Variants in EFCAB6 observed in about 807,000 individuals in gnomAD.
EFCAB6 encodes EF-hand calcium-binding domain-containing protein 6.
Under a neutral mutation model 169.8 loss-of-function variants are expected in EFCAB6, and 156 were observed. The ratio of observed to expected loss-of-function variants is 0.92; its 90% CI spans 0.81 to 1.05. The LOEUF is 1.05. Among genes scored for constraint, EFCAB6 ranks in the 50% least tolerant of loss-of-function variants. The pLI, the probability that EFCAB6 is intolerant of heterozygous loss-of-function variation, is 0.00. For missense variants in EFCAB6, 1,800 were observed against 1,829.1 expected (o/e 0.98, Z 0.29); for synonymous variants, 698 against 676.4 (o/e 1.03, Z -0.50).
intron 17 of EFCAB6, among the ~76,000 whole-genome samples, chr22:43,653,209 G>C (rs753920783): frequency 2.0e-5 from 3 of 152,048 alleles, no homozygotes; most frequent in Non-Finnish European, 2.9e-5. Context: ...TTAACCTACA[G>C]ATACAAGAAG....
chr22:43,807,399 A>G (rs2062958831), intron 2 of EFCAB6, among the ~76,000 whole-genome samples: 1 of 152,088 alleles, frequency 6.6e-6, no homozygotes, highest in South Asian at 2.1e-4. Flanking sequence ...AAAAACTAAT[A>G]CCCCCAAAAT....
intron 6 of EFCAB6, among the ~76,000 whole-genome samples, chr22:43,747,688 C>T (rs765503062): frequency 3.9e-5 from 6 of 152,160 alleles, no homozygotes; most frequent in Non-Finnish European, 7.3e-5. Flanking sequence ...CTCCTGCCTG[C>T]CTTCTGTTCA....
intron 10 of EFCAB6, among the ~76,000 whole-genome samples, chr22:43,699,082 G>A (rs1028870061): frequency 6.6e-6 from 1 of 152,076 alleles, no homozygotes; most frequent in African/African-American, 2.4e-5. Flanking sequence ...GGATGCTGAG[G>A]CTCGGAGGGA....
chr22:43,784,537 G>A lies in EFCAB6; in HGVS notation c.-7-2212C>T, dbSNP rs1329930978. 4.0e-3 allele frequency among the ~76,000 whole-genome samples: 387 copies of A among 96,184 alleles called. 9 individuals carry two copies. Among genetic ancestry groups the A allele is most frequent in the African/African-American group, 8.2e-3 (205 of 25,054 alleles). The allele number at this position is 96,184 out of a possible 152,430, so 63.1% of individuals were successfully genotyped here. A position where few individuals can be genotyped will look rare whatever the true frequency, so the allele number is the denominator to read the frequency against. ...TGTGTGTGTGTGTGTGTGTGTGTGT[G>A]TGTGTGTATATGTATATATACACAT... On this transcript the variant is annotated intron_variant, in intron 2 of 31. Coordinates refer to ENST00000262726, the MANE Select transcript of EFCAB6 (RefSeq NM_022785.4).
intron 18 of EFCAB6, among the ~76,000 whole-genome samples, chr22:43,632,446 T>A (rs1167813780): frequency 2.0e-5 from 3 of 151,352 alleles, no homozygotes; most frequent in Non-Finnish European, 2.9e-5. Context: ...ATTATAGGTG[T>A]CTGCCATCAC....
intron 3 of EFCAB6, among the ~76,000 whole-genome samples, chr22:43,781,274 G>A (rs1368740795): frequency 5.3e-5 from 8 of 152,132 alleles, no homozygotes; most frequent in African/African-American, 7.2e-5. Flanking sequence ...GAATGCTTAC[G>A]GCAGCTTCAC....
rs546771051 is a variant in EFCAB6, at chr22:43,557,859, A to C, written c.3421-2763T>G. Among the ~76,000 whole-genome samples the C allele has an allele frequency of 6.6e-5, 10 of 152,350 alleles. No individual in the cohort carries two copies. The South Asian group carries it at 2.1e-3, about 32-fold the overall frequency. ...CATGGATAAGAATGCAAGAATTGGC[A>C]AATCTTTCAATTCCTTACTTTAGTG... On this transcript the variant is annotated intron_variant, in intron 26 of 31. Transcript: ENST00000262726.
At chr22:43,530,231 G>A (rs147870607) in intron 31 of EFCAB6, among the ~76,000 whole-genome samples, 8 of 152,368 alleles carry the variant, frequency 5.3e-5, no homozygotes, top group African/African-American at 1.4e-4. Flanking sequence ...TTGCATGAGG[G>A]ATAGGGAGAA....
intron 25 of EFCAB6, among the ~76,000 whole-genome samples, chr22:43,579,920 C>G (rs2050607718): frequency 1.3e-5 from 2 of 151,144 alleles, no homozygotes; most frequent in East Asian, 2.0e-4. Flanking sequence ...GCATCATTCC[C>G]TACACGCAGG....
At chr22:43,741,740 C>T (rs544553984) in intron 6 of EFCAB6, among the ~76,000 whole-genome samples, 1 of 152,274 alleles carries the variant, frequency 6.6e-6, no homozygotes, top group South Asian at 2.1e-4. Context: ...CTGCCACTGT[C>T]CACTCTGGGG....
At chr22:43,739,210 C>T (rs2060277728) in intron 6 of EFCAB6, among the ~76,000 whole-genome samples, 1 of 152,384 alleles carries the variant, frequency 6.6e-6, no homozygotes, top group Non-Finnish European at 1.5e-5. Flanking sequence ...AAGACTTCCA[C>T]CTTGTCAAAC....
intron 24 of EFCAB6, among the ~76,000 whole-genome samples, chr22:43,587,551 C>G (rs1346408351): frequency 6.6e-6 from 1 of 152,184 alleles, no homozygotes; most frequent in Non-Finnish European, 1.5e-5. Context: ...CCACATCACT[C>G]TACTCTTTGC....
intron 17 of EFCAB6, among the ~76,000 whole-genome samples, chr22:43,656,384 C>T (rs748258384): frequency 2.5e-4 from 38 of 149,336 alleles, no homozygotes; most frequent in Non-Finnish European, 4.0e-4. Flanking sequence ...AAGAGCAAAA[C>T]GCCATCTAAA....
chr22:43,785,429 T>C (rs1438138513), intron 2 of EFCAB6, among the ~76,000 whole-genome samples: 2 of 150,606 alleles, frequency 1.3e-5, no homozygotes, highest in East Asian at 3.9e-4. Flanking sequence ...AAAAAAAAAA[T>C]CAAAAGAGAA....
intron 10 of EFCAB6, among the ~76,000 whole-genome samples, chr22:43,702,812 T>C (rs2058815214): frequency 2.0e-5 from 3 of 152,162 alleles, no homozygotes; most frequent in African/African-American, 7.2e-5. Flanking sequence ...CCACTTGGCT[T>C]GAATTTATAG....
chr22:43,573,399 A>ACATG (rs926016825), intron 26 of EFCAB6, among the ~76,000 whole-genome samples: 4 of 152,192 alleles, frequency 2.6e-5, no homozygotes, highest in Non-Finnish European at 5.9e-5. Flanking sequence ...TCAGCAGTAT[A>ACATG]CATGGTCTGT....
rs1460021265 is a variant in EFCAB6, at chr22:43,555,088, A to G, written c.3429T>C (p.Asp1143=). ...NFSCFLEETA[D]EWAEKMPKGP... ...CTTTGGGCATTTTCTCAGCCCACTC[A>G]TCAGCTGTCTGGACAAAATAGAATG... Residue 1143 remains aspartate (D), a synonymous_variant, in exon 27 of 32, where the codon GAT becomes GAC. Coordinates refer to ENST00000262726, the MANE Select transcript of EFCAB6 (RefSeq NM_022785.4). 4 of 1,614,082 alleles carry G rather than the reference A, an allele frequency of 2.5e-6. No individual in the cohort carries two copies. Among genetic ancestry groups the G allele is most frequent in the Non-Finnish European group, 3.4e-6 (4 of 1,180,034 alleles).
At chr22:43,664,621 G>C (rs2057159598) in intron 17 of EFCAB6, among the ~76,000 whole-genome samples, 1 of 152,228 alleles carries the variant, frequency 6.6e-6, no homozygotes, top group African/African-American at 2.4e-5. Context: ...GGCAAGGGGA[G>C]AGCCATGCAG....
At chr22:43,651,433 G>A (rs565286335) in intron 17 of EFCAB6, among the ~76,000 whole-genome samples, 1 of 152,388 alleles carries the variant, frequency 6.6e-6, no homozygotes, top group Admixed American at 6.5e-5. Context: ...GAAGATCTAC[G>A]GAAACGCCTG....
Sources: gnomAD v4.1 joint callset for allele counts (sites outside exome capture counted in the v4.1 genomes callset) on GRCh38, gnomAD v4.1.1 for gene constraint, MANE v1.5 for transcripts, NCBI Gene and HGNC (gene_info 2026-07-23, HGNC 2026-07-21) for gene names.